ADAM22: variants seen among roughly 807,000 people sequenced by gnomAD.
The protein encoded by ADAM22 is ADAM metallopeptidase domain 22, also known as disintegrin and metalloproteinase domain-containing protein 22.
In ADAM22, 65 loss-of-function variants were observed where a neutral mutation model predicts 144.6. The observed-to-expected ratio is 0.45, with a 90% confidence interval of 0.37 to 0.55. The LOEUF (loss-of-function observed/expected upper bound fraction) is 0.55. ADAM22 is among the 20% of genes least tolerant of loss of function. The pLI, the probability that ADAM22 is intolerant of heterozygous loss-of-function variation, is 0.00. For synonymous variants in ADAM22, 391 were observed against 412.6 expected (o/e 0.95, Z 0.63); for missense variants, 974 against 1,184.9 (o/e 0.82, Z 2.61).
At position 88,075,667 on chromosome 7, in the gene ADAM22, A is replaced by G. The variant is rs1176139740; in HGVS notation, c.365A>G (p.His122Arg). Residue 122 changes from histidine to arginine, a missense_variant, in exon 4 of 32, where the codon CAT becomes CGT. By Grantham distance (29) the His-to-Arg change is conservative. Coordinates refer to ENST00000413139, the MANE Select transcript of ADAM22 (RefSeq NM_001324418.2). ...GAATACATAGAGAGACACATTGAAC[A>G]TGGAGGCAAGACTGTGGAAGTTAAA... ...SSEYIERHIE[H>R]GGKTVEVKGG... 7 of 1,613,876 alleles carry G rather than the reference A, an allele frequency of 4.3e-6. No homozygotes were observed. In the East Asian group the frequency reaches 1.3e-4, roughly 31 times the overall value.
chr7:87,991,299 TCTTAA>T (rs1026197554), intron 3 of ADAM22, among the ~76,000 whole-genome samples: 3 of 151,734 alleles, frequency 2.0e-5, no homozygotes, highest in African/African-American at 7.2e-5. Context: ...TTTATTATCA[TCTTAA>T]CTTATTATAT....
chr7:88,193,565 C>T (rs185349880), intron 31 of ADAM22, among the ~76,000 whole-genome samples: 29 of 152,270 alleles, frequency 1.9e-4, no homozygotes, highest in African/African-American at 6.3e-4. Flanking sequence ...CTGCCACTGT[C>T]TCACAACATT....
chr7:88,179,621 G>A (rs756068489), intron 27 of ADAM22, among the ~76,000 whole-genome samples: 4 of 151,936 alleles, frequency 2.6e-5, no homozygotes, highest in Non-Finnish European at 4.4e-5. Context: ...AATTAAGTGT[G>A]CTTAATTTTG....
At chr7:88,090,466 T>C (rs1819570598) in intron 4 of ADAM22, among the ~76,000 whole-genome samples, 1 of 152,184 alleles carries the variant, frequency 6.6e-6, no homozygotes. Flanking sequence ...GACCATTCTC[T>C]GAAAAACAGT....
chr7:88,027,622 ATTTTGTTTATCTT>A (rs1391052703), intron 3 of ADAM22, among the ~76,000 whole-genome samples: 1 of 151,640 alleles, frequency 6.6e-6, no homozygotes, highest in African/African-American at 2.4e-5. Context: ...AGATTTGTCA[ATTTTGTTTATCTT>A]TTCAGAAAAA....
intron 3 of ADAM22, among the ~76,000 whole-genome samples, chr7:88,014,816 G>A (rs181962348): frequency 1.1e-3 from 172 of 152,288 alleles, no homozygotes; most frequent in African/African-American, 4.1e-3. Context: ...TGGTATTCTA[G>A]TGATTCCCAA....
intron 3 of ADAM22, among the ~76,000 whole-genome samples, chr7:87,993,512 T>C (rs1315291506): frequency 1.3e-5 from 2 of 152,240 alleles, no homozygotes; most frequent in African/African-American, 4.8e-5. Flanking sequence ...TTTCTTCAGC[T>C]GACTTACTCT....
At chr7:88,150,557 ATTTATGCAGAC>A (rs1274400009) in intron 18 of ADAM22, among the ~76,000 whole-genome samples, 1 of 152,156 alleles carries the variant, frequency 6.6e-6, no homozygotes, top group East Asian at 1.9e-4. Flanking sequence ...TTATTGCTCC[ATTTATGCAGAC>A]TTACTCTTTG....
intron 2 of ADAM22, among the ~76,000 whole-genome samples, chr7:87,973,212 C>T (rs1850933310): frequency 6.6e-6 from 1 of 152,094 alleles, no homozygotes; most frequent in Non-Finnish European, 1.5e-5. Flanking sequence ...GGCTAATATC[C>T]AGAATCTACA....
chr7:88,116,882 C>A, intron 7 of ADAM22, 68 bp downstream of exon 7: 1 of 1,181,924 alleles, frequency 8.5e-7, no homozygotes, highest in African/African-American at 1.5e-5. Flanking sequence ...TGCCTTAGAA[C>A]TAATCTATAT....
At chr7:88,050,734 A>T (rs1806092044) in intron 3 of ADAM22, among the ~76,000 whole-genome samples, 1 of 152,066 alleles carries the variant, frequency 6.6e-6, no homozygotes, top group African/African-American at 2.4e-5. Flanking sequence ...AATTTGTTTA[A>T]GTTCTTTGTA....
intron 4 of ADAM22, among the ~76,000 whole-genome samples, chr7:88,082,202 T>A (rs1331037031): frequency 6.6e-6 from 1 of 152,126 alleles, no homozygotes; most frequent in African/African-American, 2.4e-5. Context: ...AACTATCTGA[T>A]CTTTGACAAA....
intron 3 of ADAM22, among the ~76,000 whole-genome samples, chr7:88,059,918 A>G (rs573367276): frequency 6.6e-6 from 1 of 152,158 alleles, no homozygotes; most frequent in African/African-American, 2.4e-5. Flanking sequence ...TGGGTACTAT[A>G]TTTACTATTT....
chr7:88,158,603 T>G (rs976393167), intron 22 of ADAM22, among the ~76,000 whole-genome samples: 4 of 152,086 alleles, frequency 2.6e-5, no homozygotes, highest in Non-Finnish European at 5.9e-5. Context: ...ACTTAAATTT[T>G]TTTTCAAAAC....
At chr7:88,100,707 G>T (rs981839916) in intron 4 of ADAM22, among the ~76,000 whole-genome samples, 1 of 152,034 alleles carries the variant, frequency 6.6e-6, no homozygotes, top group African/African-American at 2.4e-5. Flanking sequence ...TTAGAGATGC[G>T]GTCTCACTAT....
At chr7:87,971,987 G>T (rs957204274) in intron 2 of ADAM22, among the ~76,000 whole-genome samples, 2 of 152,160 alleles carry the variant, frequency 1.3e-5, no homozygotes, top group Non-Finnish European at 2.9e-5. Context: ...TCAGGAGATC[G>T]AGACCATCCT....
In ADAM22 at chr7:87,934,513, C is replaced by T. The variant is rs1232498074; in HGVS notation, c.48C>T (p.Val16=). ...CCGTGCCCTTCTTGCTGCTCTGTGT[C>T]CTGGGGACCTGCCCTCCGGCGCGCT... The part of the protein sequence containing the change: ...AVSVPFLLLC[V]LGTCPPARCG... Residue 16 remains valine, a synonymous_variant, in exon 1 of 32, where the codon GTC becomes GTT. Transcript: ENST00000413139. 3.1e-6 allele frequency: 5 copies of T among 1,609,188 alleles called. No homozygotes were observed. The highest frequency in any genetic ancestry group is 4.2e-6 in the Non-Finnish European group (5 of 1,179,638).
intron 3 of ADAM22, among the ~76,000 whole-genome samples, chr7:88,016,537 CT>C (rs1196170886): frequency 1.3e-5 from 2 of 152,062 alleles, no homozygotes; most frequent in Non-Finnish European, 2.9e-5. Flanking sequence ...TTATATATGT[CT>C]TTTTTTCTTA....
At chr7:87,938,245 G>A (rs1841734223) in intron 2 of ADAM22, among the ~76,000 whole-genome samples, 1 of 110,936 alleles carries the variant, frequency 9.0e-6, no homozygotes, top group South Asian at 3.0e-4. Context: ...GTGAGATGGA[G>A]TCTTGCTCTG....
Sources: gnomAD v4.1 joint callset for allele counts (sites outside exome capture counted in the v4.1 genomes callset) on GRCh38, gnomAD v4.1.1 for gene constraint, MANE v1.5 for transcripts, NCBI Gene and HGNC (gene_info 2026-07-23, HGNC 2026-07-21) for gene names.